ZHX3: variants seen among roughly 807,000 people sequenced by gnomAD.
ZHX3 encodes the protein zinc fingers and homeoboxes protein 3.
ZHX3 carries 20 observed loss-of-function variants against 64.5 expected under a neutral mutation model. That is an observed-to-expected ratio of 0.31 (90% confidence interval 0.22 to 0.45). The LOEUF (loss-of-function observed/expected upper bound fraction) is 0.45, where lower values mean the gene tolerates loss of function less well. ZHX3 is among the 20% of genes least tolerant of loss of function. ZHX3 has a pLI of 1.00. For missense variants in ZHX3, 1,041 were observed against 1,195.8 expected (o/e 0.87, Z 1.91); for synonymous variants, 423 against 461.6 (o/e 0.92, Z 1.07).
chr20:41,272,306 A>G (rs2043181681), intron 1 of ZHX3: 1 of 152,244 alleles, frequency 6.6e-6, no homozygotes, highest in African/African-American at 2.4e-5. Flanking sequence ...TAACTATGAC[A>G]GCAAAGCCAC....
chr20:41,258,691 T>C (rs561505037), intron 2 of ZHX3, among the ~76,000 whole-genome samples: 1 of 152,366 alleles, frequency 6.6e-6, no homozygotes, highest in East Asian at 1.9e-4. Flanking sequence ...CTCATGATGT[T>C]GATATGTCTT....
chr20:41,276,816 A>T (rs1288987769), intron 1 of ZHX3, among the ~76,000 whole-genome samples: 1 of 152,210 alleles, frequency 6.6e-6, no homozygotes, highest in African/African-American at 2.4e-5. Context: ...GCTACAAACT[A>T]TCCTCAATTT....
At chr20:41,292,932 G>C (rs1311242451) in intron 1 of ZHX3, among the ~76,000 whole-genome samples, 1 of 152,156 alleles carries the variant, frequency 6.6e-6, no homozygotes, top group Non-Finnish European at 1.5e-5. Flanking sequence ...TAGAATAAAA[G>C]GTCCAATTGA....
intron 1 of ZHX3, among the ~76,000 whole-genome samples, chr20:41,270,575 C>G (rs1295538403): frequency 6.6e-6 from 1 of 151,284 alleles, no homozygotes; most frequent in Non-Finnish European, 1.5e-5. Context: ...ACTCGGGAGG[C>G]TGAGGCAGGA....
At chr20:41,313,141 T>C (rs1486679893) in intron 1 of ZHX3, among the ~76,000 whole-genome samples, 1 of 152,074 alleles carries the variant, frequency 6.6e-6, no homozygotes, top group Admixed American at 6.6e-5. Flanking sequence ...GCCTGAACAA[T>C]GAATAGACAG....
chr20:41,271,320 CAA>C (rs768069169), intron 1 of ZHX3, among the ~76,000 whole-genome samples: 13 of 152,256 alleles, frequency 8.5e-5, no homozygotes, highest in Non-Finnish European at 1.9e-4. Context: ...GCCCAGCCTA[CAA>C]AAGTTTTTTT....
chr20:41,305,168 C>T (rs558792629), intron 1 of ZHX3, among the ~76,000 whole-genome samples: 11 of 152,306 alleles, frequency 7.2e-5, no homozygotes, highest in Non-Finnish European at 1.5e-4. Flanking sequence ...ACAAAAAATA[C>T]CTACAACGAA....
intron 2 of ZHX3, among the ~76,000 whole-genome samples, chr20:41,215,948 C>CAA (rs536278761): frequency 2.2e-4 from 13 of 58,064 alleles, no homozygotes; most frequent in African/African-American, 7.7e-4. Flanking sequence ...CGAGACTGTC[C>CAA]AAAAAAAAAA....
In ZHX3 at chr20:41,317,606, C is replaced by CGCAGAG. The variant is rs1568972744; in HGVS notation, c.-348_-343dup. 1 of 148,062 alleles carries CGCAGAG rather than the reference C, an allele frequency of 6.8e-6. No homozygotes were observed. The highest frequency in any genetic ancestry group is 1.5e-5 in the Non-Finnish European group (1 of 66,456). The allele number at this position is 148,062 out of a possible 1,614,324, so 9.2% of individuals were successfully genotyped here. A position where few individuals can be genotyped will look rare whatever the true frequency, so the allele number is the denominator to read the frequency against. On this transcript the variant is annotated 5_prime_UTR_variant, in exon 1 of 4. Coordinates refer to ENST00000683867, the MANE Select transcript of ZHX3 (RefSeq NM_001384317.1). ...CCGGGCGGGCGGCCGGCGCAGGCCC[C>CGCAGAG]GCAGAGGCGGCGGCGGCGGCGACGC...
At chr20:41,289,743 G>C (rs4812490) in intron 1 of ZHX3, among the ~76,000 whole-genome samples, 87,173 of 149,292 alleles carry the variant, frequency 0.58, 26,585 homozygotes, top group East Asian at 0.82. Flanking sequence ...AAGCTCTCTG[G>C]CCCCTAGATT....
intron 1 of ZHX3, among the ~76,000 whole-genome samples, chr20:41,316,170 AATATGTTGATC>A (rs1162062587): frequency 1.3e-5 from 2 of 152,314 alleles, no homozygotes; most frequent in Non-Finnish European, 2.9e-5. Flanking sequence ...CAACTTGGTT[AATATGTTGATC>A]ATTACATAGT....
intron 1 of ZHX3, among the ~76,000 whole-genome samples, chr20:41,296,813 T>C (rs929982569): frequency 6.6e-6 from 1 of 152,242 alleles, no homozygotes; most frequent in Non-Finnish European, 1.5e-5. Flanking sequence ...GAATTCATTC[T>C]ACTTGTGGCG....
At chr20:41,274,645 T>C (rs1331089367) in intron 1 of ZHX3, among the ~76,000 whole-genome samples, 2 of 152,212 alleles carry the variant, frequency 1.3e-5, no homozygotes, top group Non-Finnish European at 2.9e-5. Flanking sequence ...TGGAGTTTTC[T>C]AAGACTCGCA....
chr20:41,265,246 A>G lies in ZHX3; in HGVS notation c.-151+3744T>C, dbSNP rs192105956. 2.4e-3 allele frequency among the ~76,000 whole-genome samples: 352 copies of G among 145,592 alleles called. 1 individual carries two copies. The highest frequency in any genetic ancestry group is 4.5e-3 in the Admixed American group (64 of 14,164). ...AAACGGAGTTTCGCTTTTGTTGGCC[A>G]GGCTGGAGTGCAATGATACAATCTT... On this transcript the variant is annotated intron_variant, in intron 2 of 3. Coordinates refer to ENST00000683867, the MANE Select transcript of ZHX3 (RefSeq NM_001384317.1).
chr20:41,251,073 G>GT (rs1280389739), intron 2 of ZHX3, among the ~76,000 whole-genome samples: 1 of 152,116 alleles, frequency 6.6e-6, no homozygotes, highest in African/African-American at 2.4e-5. Flanking sequence ...GTTAAAGGAA[G>GT]TTTTTCAAAC....
At position 41,200,519 on chromosome 20, in the gene ZHX3, T is replaced by C. The variant is rs1184447266; in HGVS notation, c.2860+1538A>G. Among the ~76,000 whole-genome samples the C allele has an allele frequency of 1.3e-5, 2 of 152,194 alleles. No homozygotes were observed. Among genetic ancestry groups the C allele is most frequent in the African/African-American group, 2.4e-5 (1 of 41,450 alleles). ...GACTCCAGGGTGTGCCATCAGCTAC[T>C]TTATAAAGCAGGCTGTGAGCTGTGG... is the stretch of plus-strand genomic sequence containing the variant. On this transcript the variant is annotated intron_variant, in intron 3 of 3. Transcript: ENST00000683867. This position sits in a 1 kb window ranked among gnomAD's most constrained non-coding sequence, Gnocchi z 4.2.
At chr20:41,235,825 C>G (rs1293055386) in intron 2 of ZHX3, among the ~76,000 whole-genome samples, 1 of 152,162 alleles carries the variant, frequency 6.6e-6, no homozygotes, top group Non-Finnish European at 1.5e-5. Flanking sequence ...AAGAGGAAGT[C>G]AAATTGTCCC....
At chr20:41,266,401 A>G (rs989067327) in intron 2 of ZHX3, among the ~76,000 whole-genome samples, 1 of 152,104 alleles carries the variant, frequency 6.6e-6, no homozygotes, top group African/African-American at 2.4e-5. Flanking sequence ...CTCCAGTCAT[A>G]TGCAATGTCC....
intron 1 of ZHX3, among the ~76,000 whole-genome samples, chr20:41,306,081 A>T (rs759793861): frequency 3.4e-4 from 52 of 152,304 alleles, no homozygotes; most frequent in Non-Finnish European, 4.6e-4. Context: ...GACTTTAAAG[A>T]TAACTATATA....
Sources: allele counts gnomAD v4.1 joint callset (sites outside exome capture counted in the v4.1 genomes callset), GRCh38; gene constraint gnomAD v4.1.1; non-coding constraint Gnocchi (gnomAD v3.1); transcripts MANE v1.5; gene names NCBI Gene and HGNC (gene_info 2026-07-23, HGNC 2026-07-21).